SMARCA2: variants seen among roughly 807,000 people sequenced by gnomAD.
The protein encoded by SMARCA2 is SWI/SNF related BAF chromatin remodeling complex subunit ATPase 2.
A neutral mutation model predicts 199.8 loss-of-function variants in SMARCA2; 61 were observed. The ratio of observed to expected loss-of-function variants is 0.31; its 90% CI spans 0.25 to 0.38. The LOEUF (loss-of-function observed/expected upper bound fraction) is 0.38, where lower values mean the gene tolerates loss of function less well. Ranked by LOEUF, SMARCA2 falls within the 10% of genes least tolerant of loss-of-function variation. The pLI, the probability that SMARCA2 is intolerant of heterozygous loss-of-function variation, is 1.00. For missense variants in SMARCA2, 1,344 were observed against 2,012.2 expected (o/e 0.67, Z 6.35); for synonymous variants, 935 against 732.0 (o/e 1.28, Z -4.48).
intron 1 of SMARCA2, among the ~76,000 whole-genome samples, chr9:2,018,556 A>T (rs1818465131): frequency 6.6e-6 from 1 of 152,264 alleles, no homozygotes; most frequent in Admixed American, 6.5e-5. Flanking sequence ...CTGAGCGGTT[A>T]TTTTTAACAT....
chr9:2,110,547 A>C lies in SMARCA2; in HGVS notation c.3456+130A>C, dbSNP rs1362347974. 3.0e-6 allele frequency: 2 copies of C among 657,488 alleles called. No homozygotes were observed. The highest frequency in any genetic ancestry group is 4.8e-6 in the Non-Finnish European group (2 of 419,430). The allele number at this position is 657,488 out of a possible 1,614,324, so 40.7% of individuals were successfully genotyped here. A position where few individuals can be genotyped will look rare whatever the true frequency, so the allele number is the denominator to read the frequency against. ...GTGGGCTGTTGCTTTCTTGGAGCCA[A>C]TTCTTCTGGCTGTTTTCTTATCTCC... is the stretch of plus-strand genomic sequence containing the variant. On this transcript the variant is annotated intron_variant, in intron 24 of 33. Coordinates refer to ENST00000349721, the MANE Select transcript of SMARCA2 (RefSeq NM_003070.5). The surrounding 1 kb of genome is among the most constrained non-coding windows in gnomAD (Gnocchi z 4.8).
chr9:2,119,508 A>C lies in SMARCA2; in HGVS notation c.3735A>C (p.Arg1245=). 6.2e-7 allele frequency: 1 copy of C among 1,612,876 alleles called. No individual in the cohort carries two copies. The highest frequency in any genetic ancestry group is 8.5e-7 in the Non-Finnish European group (1 of 1,178,864). The change falls in exon 26 of 34, where the codon CGA becomes CGC. Residue 1245 remains arginine, a synonymous_variant. Coordinates refer to ENST00000349721, the MANE Select transcript of SMARCA2 (RefSeq NM_003070.5). The surrounding 1 kb of genome is among the most constrained non-coding windows in gnomAD (Gnocchi z 4.6). ...AGACTCTGAACCAAATGATTGCTCGACGAGAAGAAGAATTTGACCTTTTTA... is the reference window on the plus strand; with the variant it reads ...AGACTCTGAACCAAATGATTGCTCGCCGAGAAGAAGAATTTGACCTTTTTA... ...DDETLNQMIA[R]REEEFDLFMR...
chr9:2,031,885 G>A (rs557040034), intron 2 of SMARCA2, among the ~76,000 whole-genome samples: 2 of 152,146 alleles, frequency 1.3e-5, no homozygotes, highest in South Asian at 4.1e-4. Context: ...TCAGCTTTTT[G>A]CTTTTCAACA....
intron 21 of SMARCA2, among the ~76,000 whole-genome samples, chr9:2,098,039 A>G (rs1407933334): frequency 6.6e-6 from 1 of 152,180 alleles, no homozygotes; most frequent in Non-Finnish European, 1.5e-5. Context: ...CAGGGAGAGG[A>G]CATTTTCTGC....
Position 2,192,572 on chromosome 9 carries a change from C to T in SMARCA2, c.4738-132C>T, listed in dbSNP as rs965762919. ...CCTCTTTAATGTGTTTCTGTCCTCCCACGGAAAGAGATTTGGCGAGTTGTT... is the reference window on the plus strand; with the variant it reads ...CCTCTTTAATGTGTTTCTGTCCTCCTACGGAAAGAGATTTGGCGAGTTGTT... On this transcript the variant is annotated intron_variant, in intron 33 of 33. Transcript: ENST00000349721. 1.3e-5 allele frequency: 10 copies of T among 741,708 alleles called. No individual in the cohort carries two copies. The East Asian group carries it at 2.3e-4, about 17-fold the overall frequency. The allele number at this position is 741,708 out of a possible 1,614,324, so 45.9% of individuals were successfully genotyped here. A position where few individuals can be genotyped will look rare whatever the true frequency, so the allele number is the denominator to read the frequency against.
chr9:2,158,669 A>G (rs1480984886), intron 27 of SMARCA2: 3 of 329,612 alleles, frequency 9.1e-6, no homozygotes, highest in Middle Eastern at 8.1e-4. Flanking sequence ...TTTGTGTGTG[A>G]CCCCCCAGCC....
chr9:2,065,059 C>T (rs558952798), intron 9 of SMARCA2, among the ~76,000 whole-genome samples: 3 of 152,286 alleles, frequency 2.0e-5, no homozygotes, highest in South Asian at 4.1e-4. Flanking sequence ...GTGGCAGGCA[C>T]CTGTAGTCCC....
In SMARCA2 at chr9:2,186,156, A is replaced by G; in HGVS notation, c.4522A>G (p.Lys1508Glu). Reference sequence around the variant, plus strand: ...TAAGAGTGCCCGGCAGAAAATTGCCAAAGAGGAAGAGAGTGAGGATGAAAG... The same window carrying G: ...TAAGAGTGCCCGGCAGAAAATTGCCGAAGAGGAAGAGAGTGAGGATGAAAG... ...VFKSARQKIA[K>E]EEESEDESNE... The change falls in exon 32 of 34, where the codon AAA becomes GAA. Residue 1508 changes from lysine (K) to glutamate (E), a missense_variant. Lys to Glu is a moderately conservative substitution (Grantham distance 56). Coordinates refer to ENST00000349721, the MANE Select transcript of SMARCA2 (RefSeq NM_003070.5). 6.2e-7 allele frequency: 1 copy of G among 1,614,090 alleles called. No homozygotes were observed.
intron 24 of SMARCA2, among the ~76,000 whole-genome samples, chr9:2,112,492 G>A (rs772081896): frequency 1.3e-5 from 2 of 149,170 alleles, no homozygotes; most frequent in African/African-American, 2.5e-5. Context: ...TTTTTTTTTC[G>A]TACTTTCTCT....
intron 7 of SMARCA2, among the ~76,000 whole-genome samples, chr9:2,057,123 T>A (rs1388849710): frequency 6.6e-6 from 1 of 152,184 alleles, no homozygotes; most frequent in East Asian, 1.9e-4. Context: ...TATAAAAAAA[T>A]AGCACAAACT....
chr9:2,060,082 G>C (rs1457126949), intron 8 of SMARCA2, among the ~76,000 whole-genome samples: 3 of 120,352 alleles, frequency 2.5e-5, no homozygotes, highest in African/African-American at 9.3e-5. Flanking sequence ...CTTGTCTCCA[G>C]TCACCTGGGC....
At chr9:2,179,546 G>C (rs1465831768) in intron 29 of SMARCA2, among the ~76,000 whole-genome samples, 1 of 152,108 alleles carries the variant, frequency 6.6e-6, no homozygotes, top group Admixed American at 6.5e-5. Context: ...TCTCCTTATG[G>C]GGTTTAGAAT....
rs1308805503 is a variant in SMARCA2 at position 2,104,226 on chromosome 9, G to A, written c.3292+57G>A. Reference sequence around the variant, plus strand: ...ATACTACTGAAAATGAAGGGATAATGGGCACTTAGGTCCAATCTCAGCCAA... The same window carrying A: ...ATACTACTGAAAATGAAGGGATAATAGGCACTTAGGTCCAATCTCAGCCAA... On this transcript the variant is annotated intron_variant, in intron 23 of 33. Coordinates refer to ENST00000349721, the MANE Select transcript of SMARCA2 (RefSeq NM_003070.5). The surrounding 1 kb of genome is among the most constrained non-coding windows in gnomAD (Gnocchi z 4.0). The A allele has an allele frequency of 6.9e-7, 1 of 1,459,534 alleles. No individual in the cohort carries two copies. Among genetic ancestry groups the A allele is most frequent in the Non-Finnish European group, 9.5e-7 (1 of 1,054,696 alleles). The allele number at this position is 1,459,534 out of a possible 1,614,324, so 90.4% of individuals were successfully genotyped here.
intron 9 of SMARCA2, among the ~76,000 whole-genome samples, chr9:2,063,302 T>C (rs777267922): frequency 1.5e-4 from 23 of 152,206 alleles, no homozygotes; most frequent in Non-Finnish European, 3.4e-4. Context: ...GCACTTTTAT[T>C]CAAGTGCAAA....
intron 32 of SMARCA2, 75 bp downstream of exon 32, chr9:2,186,303 G>T (rs1827450531): frequency 6.8e-7 from 1 of 1,476,458 alleles, no homozygotes; most frequent in Non-Finnish European, 9.2e-7. Flanking sequence ...GATGTTCACA[G>T]AAGAGACTTT....
intron 7 of SMARCA2, among the ~76,000 whole-genome samples, chr9:2,057,499 G>GATTTT (rs1820407238): frequency 6.6e-6 from 1 of 152,194 alleles, no homozygotes; most frequent in Non-Finnish European, 1.5e-5. Context: ...TGAATGGGTG[G>GATTTT]GCATAGGTGG....
chr9:2,046,310 T>C (rs979889091), intron 4 of SMARCA2, among the ~76,000 whole-genome samples: 4 of 152,214 alleles, frequency 2.6e-5, no homozygotes, highest in African/African-American at 7.2e-5. Flanking sequence ...TGAAGTTCAA[T>C]GCGGAAAATT....
At chr9:2,060,717 C>A (rs139608138) in intron 8 of SMARCA2, 99 bp from the exon 9 acceptor site, 7 of 1,130,614 alleles carry the variant, frequency 6.2e-6, no homozygotes, top group African/African-American at 3.1e-5. Flanking sequence ...TACACTCCTA[C>A]CAGTCAAAAT....
At chr9:2,162,365 A>T (rs111410521) in intron 28 of SMARCA2, among the ~76,000 whole-genome samples, 5 of 152,338 alleles carry the variant, frequency 3.3e-5, no homozygotes, top group African/African-American at 1.2e-4. Flanking sequence ...CTTTCCTTCC[A>T]ACACTTGAAT....
Sources: gnomAD v4.1 joint callset for allele counts (sites outside exome capture counted in the v4.1 genomes callset) on GRCh38, gnomAD v4.1.1 for gene constraint, Gnocchi (gnomAD v3.1) non-coding constraint, MANE v1.5 for transcripts, NCBI Gene and HGNC (gene_info 2026-07-23, HGNC 2026-07-21) for gene names.